MTUS2: variants seen among roughly 807,000 people sequenced by gnomAD.
MTUS2 encodes the protein microtubule-associated tumor suppressor candidate 2.
MTUS2 carries 40 observed loss-of-function variants against 114.1 expected under a neutral mutation model. The ratio of observed to expected loss-of-function variants is 0.35; its 90% CI spans 0.27 to 0.46. The LOEUF (loss-of-function observed/expected upper bound fraction) is 0.46, where lower values mean the gene tolerates loss of function less well. Ranked by LOEUF, MTUS2 falls within the 20% of genes least tolerant of loss-of-function variation. The pLI, the probability that MTUS2 is intolerant of heterozygous loss-of-function variation, is 1.00. For missense variants in MTUS2, 1,679 were observed against 1,705.4 expected (o/e 0.98, Z 0.27); for synonymous variants, 688 against 672.0 (o/e 1.02, Z -0.37).
At chr13:29,434,280 G>A (rs1877250051) in intron 8 of MTUS2, among the ~76,000 whole-genome samples, 1 of 152,096 alleles carries the variant, frequency 6.6e-6, no homozygotes, top group Non-Finnish European at 1.5e-5. Flanking sequence ...GGGAAAAGGG[G>A]CCCATCTGAT....
chr13:29,206,100 G>C (rs551123347), intron 5 of MTUS2, among the ~76,000 whole-genome samples: 5 of 152,024 alleles, frequency 3.3e-5, no homozygotes, highest in Non-Finnish European at 7.4e-5. Flanking sequence ...GATTATGGCC[G>C]TTCTTGCTGG....
At chr13:28,934,214 A>G (rs1566233790) in intron 2 of MTUS2, among the ~76,000 whole-genome samples, 1 of 152,246 alleles carries the variant, frequency 6.6e-6, no homozygotes, top group Non-Finnish European at 1.5e-5. Context: ...TAATGTTTGT[A>G]CATGGTGGAG....
At chr13:29,009,010 C>T (rs1885721587) in intron 2 of MTUS2, among the ~76,000 whole-genome samples, 1 of 151,342 alleles carries the variant, frequency 6.6e-6, no homozygotes, top group African/African-American at 2.4e-5. Context: ...TATCTTTTCT[C>T]TCTTAGTTTC....
intron 5 of MTUS2, among the ~76,000 whole-genome samples, chr13:29,158,356 C>T (rs1334178852): frequency 3.2e-5 from 2 of 63,300 alleles, no homozygotes; most frequent in African/African-American, 9.1e-5. Flanking sequence ...CCGTCCACCC[C>T]GCTTTTTTTT....
At chr13:29,252,399 A>G (rs1268227923) in intron 5 of MTUS2, among the ~76,000 whole-genome samples, 1 of 152,168 alleles carries the variant, frequency 6.6e-6, no homozygotes. Flanking sequence ...TTTTGGCCTC[A>G]TCCTGATAGT....
chr13:29,247,743 A>G (rs535943911), intron 5 of MTUS2, among the ~76,000 whole-genome samples: 1 of 152,340 alleles, frequency 6.6e-6, no homozygotes, highest in Non-Finnish European at 1.5e-5. Context: ...CAAAAAATCA[A>G]AAAATAATAG....
At chr13:28,846,413 C>T (rs543823178) in intron 2 of MTUS2, among the ~76,000 whole-genome samples, 7 of 152,290 alleles carry the variant, frequency 4.6e-5, no homozygotes, top group East Asian at 1.9e-4. Context: ...TTCACTCAAG[C>T]GTTTTAACAT....
chr13:28,855,040 C>T (rs1011670581), intron 2 of MTUS2, among the ~76,000 whole-genome samples: 1 of 152,208 alleles, frequency 6.6e-6, no homozygotes, highest in South Asian at 2.1e-4. Flanking sequence ...TTTACCAGCT[C>T]TTCCTTCATT....
chr13:29,341,155 G>A (rs1593324137), intron 7 of MTUS2, among the ~76,000 whole-genome samples: 1 of 152,034 alleles, frequency 6.6e-6, no homozygotes, highest in East Asian at 1.9e-4. Flanking sequence ...TTTTCCTCTG[G>A]GTAGATACCC....
chr13:29,033,711 G>A (rs2138519823), intron 3 of MTUS2, among the ~76,000 whole-genome samples, 174 bp from the exon 4 acceptor site: 1 of 152,172 alleles, frequency 6.6e-6, no homozygotes, highest in East Asian at 1.9e-4. Flanking sequence ...ATCATCCAGT[G>A]TGTTATCAAT....
chr13:29,348,062 G>T (rs1258189305), intron 7 of MTUS2, among the ~76,000 whole-genome samples: 2 of 151,314 alleles, frequency 1.3e-5, no homozygotes, highest in Admixed American at 1.3e-4. Context: ...TATACTTTAG[G>T]GATTTTTATA....
chr13:29,049,078 C>G (rs1431566562), intron 4 of MTUS2, among the ~76,000 whole-genome samples: 1 of 152,156 alleles, frequency 6.6e-6, no homozygotes, highest in East Asian at 1.9e-4. Flanking sequence ...TGTTGACCCT[C>G]TCTTTGCATA....
At chr13:29,427,152 AAAAAT>A (rs774519991) in intron 8 of MTUS2, among the ~76,000 whole-genome samples, 3 of 152,308 alleles carry the variant, frequency 2.0e-5, no homozygotes, top group Non-Finnish European at 4.4e-5. Flanking sequence ...TTAAAACAGT[AAAAAT>A]AAAACATGCT....
chr13:29,236,987 G>A lies in MTUS2; in HGVS notation c.2645-44717G>A, dbSNP rs955679813. Among the ~76,000 whole-genome samples, 12 of 152,128 alleles carry A rather than the reference G, an allele frequency of 7.9e-5. No homozygotes were observed. The East Asian group carries it at 2.3e-3, about 29-fold the overall frequency. Reference sequence around the variant, plus strand: ...GAAAAGAATCAACTTATCCCTAGTGGCCAACTGTTTTCATCTGTACCCATT... The same window carrying A: ...GAAAAGAATCAACTTATCCCTAGTGACCAACTGTTTTCATCTGTACCCATT... On this transcript the variant is annotated intron_variant, in intron 5 of 15. Transcript: ENST00000612955.
At chr13:29,487,489 C>G (rs938774667) in intron 10 of MTUS2, 1 of 189,532 alleles carries the variant, frequency 5.3e-6, no homozygotes, top group Admixed American at 5.5e-5. Flanking sequence ...GTATTCGTTC[C>G]CTCCACTTAC....
intron 5 of MTUS2, among the ~76,000 whole-genome samples, chr13:29,159,454 C>A (rs911580574): frequency 6.6e-6 from 1 of 151,908 alleles, no homozygotes; most frequent in African/African-American, 2.4e-5. Flanking sequence ...GCAAAGAATT[C>A]TTGGGTTGGG....
At chr13:29,222,072 C>T (rs960962189) in intron 5 of MTUS2, among the ~76,000 whole-genome samples, 1 of 152,280 alleles carries the variant, frequency 6.6e-6, no homozygotes, top group South Asian at 2.1e-4. Flanking sequence ...CTCAGCCTTC[C>T]GAGTAGTGGG....
intron 8 of MTUS2, among the ~76,000 whole-genome samples, chr13:29,366,265 CAGAGA>C (rs1223727640): frequency 2.0e-5 from 3 of 152,146 alleles, no homozygotes; most frequent in Non-Finnish European, 4.4e-5. Context: ...CACATGGCGG[CAGAGA>C]AGAGAAGAGA....
At chr13:29,189,464 T>G (rs1036630617) in intron 5 of MTUS2, among the ~76,000 whole-genome samples, 1 of 152,162 alleles carries the variant, frequency 6.6e-6, no homozygotes, top group Non-Finnish European at 1.5e-5. Context: ...ATCTTTGCTT[T>G]AGTTAAGCTG....
Sources: gnomAD v4.1 joint callset for allele counts (sites outside exome capture counted in the v4.1 genomes callset) on GRCh38, gnomAD v4.1.1 for gene constraint, MANE v1.5 for transcripts, NCBI Gene and HGNC (gene_info 2026-07-23, HGNC 2026-07-21) for gene names.